The following MAP2K5 variants were observed in gnomAD, a reference collection of about 807,000 sequenced individuals.
MAP2K5 encodes dual specificity mitogen-activated protein kinase kinase 5.
A neutral mutation model predicts 83.1 loss-of-function variants in MAP2K5; 49 were observed. The ratio of observed to expected loss-of-function variants is 0.59; its 90% CI spans 0.47 to 0.75. The LOEUF (loss-of-function observed/expected upper bound fraction) is 0.75. MAP2K5 is among the 30% of genes least tolerant of loss of function. The pLI is 0.00. For synonymous variants in MAP2K5, 202 were observed against 191.8 expected (o/e 1.05, Z -0.44); for missense variants, 457 against 557.5 (o/e 0.82, Z 1.82).
intron 21 of MAP2K5, among the ~76,000 whole-genome samples, chr15:67,787,741 T>C (rs1306255160): frequency 6.6e-6 from 1 of 152,248 alleles, no homozygotes; most frequent in Non-Finnish European, 1.5e-5. Context: ...CCTTGAAGTA[T>C]GGTAGTGATT....
chr15:67,656,426 G>A (rs2087080884), intron 11 of MAP2K5, among the ~76,000 whole-genome samples: 1 of 151,322 alleles, frequency 6.6e-6, no homozygotes, highest in African/African-American at 2.4e-5. Flanking sequence ...CCGGGTTCAA[G>A]CAATTCTCCT....
chr15:67,772,522 G>C (rs2090162063), intron 20 of MAP2K5, among the ~76,000 whole-genome samples, 185 bp from the exon 21 acceptor site: 1 of 152,084 alleles, frequency 6.6e-6, no homozygotes, highest in Non-Finnish European at 1.5e-5. Context: ...ATGTCCCCCA[G>C]AAATCTGACT....
chr15:67,685,411 C>T (rs1018201410), intron 13 of MAP2K5, among the ~76,000 whole-genome samples: 1 of 152,116 alleles, frequency 6.6e-6, no homozygotes, highest in Non-Finnish European at 1.5e-5. Flanking sequence ...TGAGAGAATT[C>T]ATTGCCAGTA....
intron 16 of MAP2K5, among the ~76,000 whole-genome samples, chr15:67,723,208 C>A (rs900289570): frequency 2.0e-5 from 3 of 152,102 alleles, no homozygotes; most frequent in African/African-American, 7.2e-5. Context: ...TAAATAACTT[C>A]TTTTTGTTAA....
At chr15:67,584,213 T>G (rs980157221) in intron 4 of MAP2K5, among the ~76,000 whole-genome samples, 2 of 152,186 alleles carry the variant, frequency 1.3e-5, no homozygotes, top group African/African-American at 4.8e-5. Context: ...CCCGATAACT[T>G]TAGGAAATAT....
At position 67,647,027 on chromosome 15, in the gene MAP2K5, C is replaced by G. The variant is rs118052550; in HGVS notation, c.736+558C>G. On this transcript the variant is annotated intron_variant, in intron 11 of 21. Coordinates refer to ENST00000178640, the MANE Select transcript of MAP2K5 (RefSeq NM_145160.3). ...TTGACCTGAATATTACGGCAAAATA[C>G]AGATTTCTAGGGACATATCAGTGAA... 4.7e-3 allele frequency among the ~76,000 whole-genome samples: 712 copies of G among 152,236 alleles called. 2 individuals are homozygous for G. The highest frequency in any genetic ancestry group is 7.1e-3 in the Non-Finnish European group (481 of 68,008).
At chr15:67,788,962 A>G (rs1467690907) in intron 21 of MAP2K5, among the ~76,000 whole-genome samples, 1 of 116,360 alleles carries the variant, frequency 8.6e-6, no homozygotes, top group Non-Finnish European at 1.7e-5. Flanking sequence ...ACAGAGAGAG[A>G]CCCTGTCTCA....
In MAP2K5 at chr15:67,722,308, G is replaced by A. The variant is rs993764515; in HGVS notation, c.1045-5608G>A. Among the ~76,000 whole-genome samples the A allele has an allele frequency of 1.1e-4, 16 of 151,808 alleles. No individual in the cohort carries two copies. The highest frequency in any genetic ancestry group is 3.9e-4 in the African/African-American group (16 of 41,378). Reference sequence around the variant, plus strand: ...TCTTAAGCCCCAGACACTTTGGAGTGCAGCTGCAAACTATAGGCAGAAGAT... The same window carrying A: ...TCTTAAGCCCCAGACACTTTGGAGTACAGCTGCAAACTATAGGCAGAAGAT... On this transcript the variant is annotated intron_variant, in intron 16 of 21. Coordinates refer to ENST00000178640, the MANE Select transcript of MAP2K5 (RefSeq NM_145160.3). The surrounding 1 kb of genome is among the most constrained non-coding windows in gnomAD (Gnocchi z 4.2).
At chr15:67,556,964 T>C (rs1439092153) in intron 2 of MAP2K5, among the ~76,000 whole-genome samples, 1 of 152,248 alleles carries the variant, frequency 6.6e-6, no homozygotes, top group Non-Finnish European at 1.5e-5. Context: ...AGTTATGGAA[T>C]AGTTTTTCTT....
intron 8 of MAP2K5, among the ~76,000 whole-genome samples, chr15:67,622,096 G>A (rs1044399119): frequency 9.4e-5 from 13 of 138,694 alleles, no homozygotes; most frequent in Non-Finnish European, 1.5e-4. Context: ...AGTGAGCCGA[G>A]ATCACGCCAC....
intron 19 of MAP2K5, among the ~76,000 whole-genome samples, chr15:67,761,440 G>A (rs1411053895): frequency 6.6e-6 from 1 of 152,230 alleles, no homozygotes; most frequent in Non-Finnish European, 1.5e-5. Context: ...GTTTAAAAAT[G>A]TGTAAGCAAA....
In MAP2K5 at chr15:67,764,872, CT is replaced by C. The variant is rs1428710194; in HGVS notation, c.1135-4728del. On this transcript the variant is annotated intron_variant, in intron 19 of 21. Coordinates refer to ENST00000178640, the MANE Select transcript of MAP2K5 (RefSeq NM_145160.3). This position sits in a 1 kb window ranked among gnomAD's most constrained non-coding sequence, Gnocchi z 4.9. ...TTGAGTATTTATGCCAGCCTTCTCC[CT>C]TATACAAGCAGAGTTCTGCTAAGAA... Among the ~76,000 whole-genome samples the C allele has an allele frequency of 1.3e-5, 2 of 152,184 alleles. No homozygotes were observed. Among genetic ancestry groups the C allele is most frequent in the Non-Finnish European group, 2.9e-5 (2 of 68,028 alleles).
At chr15:67,658,473 C>A in intron 11 of MAP2K5, 80 bp from the exon 12 acceptor site, 1 of 1,102,958 alleles carries the variant, frequency 9.1e-7, no homozygotes, top group Non-Finnish European at 1.4e-6. Context: ...AATGTATTCT[C>A]ACAGTGAACA....
chr15:67,546,220 G>A (rs956316895), intron 1 of MAP2K5: 1 of 152,294 alleles, frequency 6.6e-6, no homozygotes, highest in African/African-American at 2.4e-5. Context: ...AGAACCAAGA[G>A]ACACGTCAGC....
At chr15:67,624,913 G>A (rs576538072) in intron 8 of MAP2K5, among the ~76,000 whole-genome samples, 17 of 152,266 alleles carry the variant, frequency 1.1e-4, no homozygotes, top group Admixed American at 7.8e-4. Flanking sequence ...TTACAGGCAC[G>A]AGCCACTGTG....
At position 67,702,715 on chromosome 15, in the gene MAP2K5, T is replaced by G. The variant is rs1294324644; in HGVS notation, c.973-622T>G. Among the ~76,000 whole-genome samples, 1 of 152,176 alleles carries G rather than the reference T, an allele frequency of 6.6e-6. No individual in the cohort carries two copies. Among genetic ancestry groups the G allele is most frequent in the Non-Finnish European group, 1.5e-5 (1 of 68,036 alleles). ...TGAGTGGAGGACCAAGAGTCCCAAA[T>G]GGACCTTTCAGACTGTTCCTTGGTT... On this transcript the variant is annotated intron_variant, in intron 15 of 21. Coordinates refer to ENST00000178640, the MANE Select transcript of MAP2K5 (RefSeq NM_145160.3). This position sits in a 1 kb window ranked among gnomAD's most constrained non-coding sequence, Gnocchi z 4.6.
intron 16 of MAP2K5, among the ~76,000 whole-genome samples, chr15:67,714,436 A>G (rs2088781116): frequency 7.0e-6 from 1 of 143,032 alleles, no homozygotes; most frequent in Non-Finnish European, 1.5e-5. Flanking sequence ...AAAAAAAAAA[A>G]AAAAAAAAAA....
chr15:67,658,522 T>C (rs774617488), intron 11 of MAP2K5, 31 bp from the exon 12 acceptor site: 2 of 1,560,360 alleles, frequency 1.3e-6, no homozygotes, highest in East Asian at 2.2e-5. Flanking sequence ...GTAATTTCAT[T>C]TGTAGTAACA....
intron 8 of MAP2K5, among the ~76,000 whole-genome samples, chr15:67,602,828 A>G (rs1261655185): frequency 3.9e-5 from 6 of 152,034 alleles, no homozygotes; most frequent in Admixed American, 3.9e-4. Flanking sequence ...TAATTTTTGT[A>G]TTTTTAGTAG....
Sources: allele counts gnomAD v4.1 joint callset (sites outside exome capture counted in the v4.1 genomes callset), GRCh38; gene constraint gnomAD v4.1.1; non-coding constraint Gnocchi (gnomAD v3.1); transcripts MANE v1.5; gene names NCBI Gene and HGNC (gene_info 2026-07-23, HGNC 2026-07-21).